The following SMYD3 variants were observed in gnomAD, a reference collection of about 807,000 sequenced individuals.
The protein encoded by SMYD3 is histone-lysine N-methyltransferase SMYD3.
In SMYD3, 36 loss-of-function variants were observed where a neutral mutation model predicts 57.7. The ratio of observed to expected loss-of-function variants is 0.62; its 90% confidence interval spans 0.48 to 0.82. The LOEUF (loss-of-function observed/expected upper bound fraction) is 0.82, where lower values mean the gene tolerates loss of function less well. Among genes scored for constraint, SMYD3 ranks in the 40% least tolerant of loss-of-function variants. The probability of loss-of-function intolerance (pLI) is 0.00; values close to 1 mark genes in which losing one functional copy is unlikely to be tolerated. For synonymous variants in SMYD3, 211 were observed against 195.0 expected (o/e 1.08, Z -0.68); for missense variants, 515 against 538.8 (o/e 0.96, Z 0.44).
At chr1:246,114,667 T>C (rs530603102) in intron 5 of SMYD3, among the ~76,000 whole-genome samples, 4 of 152,330 alleles carry the variant, frequency 2.6e-5, no homozygotes, top group Non-Finnish European at 4.4e-5. Context: ...AGTTTCACTC[T>C]GTCGCCAGGC....
intron 1 of SMYD3, among the ~76,000 whole-genome samples, chr1:246,489,446 C>A (rs1334338630): frequency 6.6e-6 from 1 of 152,070 alleles, no homozygotes; most frequent in Non-Finnish European, 1.5e-5. Flanking sequence ...TCATGAAGAT[C>A]ACGAGGTAGC....
chr1:246,043,914 G>A (rs913891507), intron 5 of SMYD3, among the ~76,000 whole-genome samples: 1 of 152,042 alleles, frequency 6.6e-6, no homozygotes, highest in African/African-American at 2.4e-5. Context: ...AACAGTTTCG[G>A]GGATCTCCAG....
chr1:245,756,106 A>ATATATATATACACACACATATATATG (rs2045593150), intron 11 of SMYD3, among the ~76,000 whole-genome samples: 2 of 147,404 alleles, frequency 1.4e-5, no homozygotes, highest in Non-Finnish European at 3.0e-5. Context: ...TATATATTTT[A>ATATATATATACACACACATATATATG]TATATATATA....
At position 246,493,364 on chromosome 1, in the gene SMYD3, TG is replaced by T. The variant is rs972114116; in HGVS notation, c.164+13689del. ...GAGGCAGCTGTAGCAAATACATAAA[TG>T]GTTTCTAAAACTGCAGAAAACTTAA... On this transcript the variant is annotated intron_variant, in intron 1 of 11. Transcript: ENST00000490107. Among the ~76,000 whole-genome samples the T allele has an allele frequency of 7.2e-5, 11 of 152,222 alleles. 1 individual carries two copies. Among genetic ancestry groups the T allele is most frequent in the Admixed American group, 3.9e-4 (6 of 15,282 alleles).
chr1:245,775,264 G>A (rs2046530524), intron 10 of SMYD3, among the ~76,000 whole-genome samples: 1 of 151,982 alleles, frequency 6.6e-6, no homozygotes, highest in Admixed American at 6.5e-5. Context: ...TGGCGGTTTT[G>A]TCGAGTGGAA....
At chr1:245,759,029 C>T (rs1268461664) in intron 11 of SMYD3, among the ~76,000 whole-genome samples, 2 of 152,140 alleles carry the variant, frequency 1.3e-5, no homozygotes, top group Non-Finnish European at 2.9e-5. Context: ...GTTCAGGTTC[C>T]CTATCTGGCT....
At chr1:246,389,863 T>G (rs1182534516) in intron 1 of SMYD3, among the ~76,000 whole-genome samples, 1 of 151,942 alleles carries the variant, frequency 6.6e-6, no homozygotes, top group East Asian at 1.9e-4. Context: ...ACCTCGAGGT[T>G]GAAGTCAGTT....
chr1:246,440,715 G>C (rs1192089134), intron 1 of SMYD3, among the ~76,000 whole-genome samples: 1 of 152,128 alleles, frequency 6.6e-6, no homozygotes, highest in African/African-American at 2.4e-5. Context: ...CTATGATATA[G>C]GAGTAGCAAA....
At chr1:246,467,546 T>A (rs1309161526) in intron 1 of SMYD3, among the ~76,000 whole-genome samples, 2 of 152,096 alleles carry the variant, frequency 1.3e-5, no homozygotes, top group Non-Finnish European at 2.9e-5. Flanking sequence ...GATCGTAATA[T>A]TATGAACAAC....
chr1:246,047,118 A>T (rs2059981631), intron 5 of SMYD3, among the ~76,000 whole-genome samples: 1 of 152,230 alleles, frequency 6.6e-6, no homozygotes. Context: ...ATTAGAATCC[A>T]GTGGTATTTT....
chr1:246,347,998 C>A (rs1478207501), intron 2 of SMYD3, among the ~76,000 whole-genome samples: 1 of 147,378 alleles, frequency 6.8e-6, no homozygotes, highest in Non-Finnish European at 1.5e-5. Flanking sequence ...GCGCTGTTCA[C>A]AATAGCAAAG....
chr1:246,099,564 G>C (rs189168221), intron 5 of SMYD3, among the ~76,000 whole-genome samples: 1 of 152,106 alleles, frequency 6.6e-6, no homozygotes, highest in East Asian at 1.9e-4. Flanking sequence ...CTGACAACTG[G>C]AGAGAAAAAA....
intron 8 of SMYD3, among the ~76,000 whole-genome samples, chr1:245,893,165 T>G (rs1280753647): frequency 6.6e-6 from 1 of 152,168 alleles, no homozygotes; most frequent in East Asian, 1.9e-4. Flanking sequence ...GTTACCACAC[T>G]AAATGTATTA....
intron 5 of SMYD3, among the ~76,000 whole-genome samples, chr1:246,069,436 C>CAAAAATCTCA (rs2060404036): frequency 6.6e-6 from 1 of 152,156 alleles, no homozygotes; most frequent in Non-Finnish European, 1.5e-5. Flanking sequence ...ATCTCAAGAG[C>CAAAAATCTCA]AGGCCTGTCT....
chr1:245,766,049 G>C (rs1304699936), intron 10 of SMYD3, among the ~76,000 whole-genome samples: 2 of 152,044 alleles, frequency 1.3e-5, no homozygotes, highest in Non-Finnish European at 2.9e-5. Context: ...TTAAGAAGTA[G>C]AAAGCAGTAC....
At chr1:246,325,683 A>G (rs1369390345) in intron 5 of SMYD3, 1 of 152,234 alleles carries the variant, frequency 6.6e-6, no homozygotes, top group African/African-American at 2.4e-5. Flanking sequence ...TTTTACATGT[A>G]GCAACAGAAA....
intron 10 of SMYD3, among the ~76,000 whole-genome samples, chr1:245,816,807 G>T (rs1431016862): frequency 6.6e-6 from 1 of 152,110 alleles, no homozygotes; most frequent in Non-Finnish European, 1.5e-5. Flanking sequence ...GGAAAATCGG[G>T]TCACTCCCAC....
chr1:246,017,409 C>A (rs75410923), intron 5 of SMYD3, among the ~76,000 whole-genome samples: 5,095 of 152,216 alleles, frequency 0.033, 287 homozygotes, highest in African/African-American at 0.12. Context: ...CTTTTCACAG[C>A]AAAAGGTTCC....
At chr1:246,187,872 G>T (rs997230481) in intron 5 of SMYD3, among the ~76,000 whole-genome samples, 1 of 151,904 alleles carries the variant, frequency 6.6e-6, no homozygotes, top group Non-Finnish European at 1.5e-5. Context: ...ACTTGTTGAC[G>T]GAAATATTAC....
Sources: allele counts gnomAD v4.1 joint callset (sites outside exome capture counted in the v4.1 genomes callset), GRCh38; gene constraint gnomAD v4.1.1; transcripts MANE v1.5; gene names NCBI Gene and HGNC (gene_info 2026-07-23, HGNC 2026-07-21).